GLB1L3: variants seen among roughly 807,000 people sequenced by gnomAD.
The protein encoded by GLB1L3 is galactosidase beta 1 like 3.
Under a neutral mutation model 89.5 loss-of-function variants are expected in GLB1L3, and 89 were observed. That is an observed-to-expected ratio of 0.99 (90% confidence interval 0.84 to 1.19). GLB1L3 has a LOEUF of 1.19. GLB1L3 is among the 50% of genes most tolerant of loss of function. The pLI is 0.00. For missense variants in GLB1L3, 812 were observed against 813.3 expected (o/e 1.00, Z 0.02); for synonymous variants, 314 against 312.3 (o/e 1.01, Z -0.06).
At position 134,282,072 on chromosome 11, in the gene GLB1L3, G is replaced by A. The variant is rs750384439; in HGVS notation, c.479G>A (p.Arg160His). 3.3e-5 allele frequency: 52 copies of A among 1,558,074 alleles called. 1 individual carries two copies. The Middle Eastern group carries it at 7.3e-4, about 22-fold the overall frequency. The change falls in exon 5 of 20, where the codon CGT becomes CAT. Residue 160 changes from arginine to histidine, a missense_variant. This residue lies in a region of GLB1L3 where 3 missense variants were observed against 17.8 expected (regional missense o/e 0.17). Transcript: ENST00000431683. Reference protein sequence around the residue: ...AAEIGLWVILRPGRYICSEMD... With the variant: ...AAEIGLWVILHPGRYICSEMD... ...GAGATCGGGCTGTGGGTGATTCTGC[G>A]TCCAGGCCGCTACATCTGCAGTGAG...
chr11:134,322,509 C>T (rs1413095300), downstream of GLB1L3, among the ~76,000 whole-genome samples: 1 of 152,126 alleles, frequency 6.6e-6, no homozygotes, highest in Admixed American at 6.5e-5. Flanking sequence ...AGCATCATCA[C>T]CATCTGATCT....
intron 9 of GLB1L3, among the ~76,000 whole-genome samples, chr11:134,294,062 T>C (rs1941502487): frequency 1.3e-5 from 2 of 151,948 alleles, no homozygotes; most frequent in South Asian, 2.1e-4. Context: ...CTTCTTTTTT[T>C]CATCAATTTC....
At chr11:134,322,841 CTT>C (rs1195907982), downstream of GLB1L3, among the ~76,000 whole-genome samples, 1 of 152,090 alleles carries the variant, frequency 6.6e-6, no homozygotes, top group East Asian at 1.9e-4. Context: ...GTTGTTTCCA[CTT>C]TTTGGATATT....
chr11:134,284,385 T>C (rs1940868367), intron 6 of GLB1L3, among the ~76,000 whole-genome samples: 1 of 152,198 alleles, frequency 6.6e-6, no homozygotes. Context: ...AGCCACTCTT[T>C]TTAGTGCCTG....
intron 10 of GLB1L3, among the ~76,000 whole-genome samples, chr11:134,308,235 C>CCAT (rs768245652): frequency 0.15 from 4,061 of 27,514 alleles, 512 homozygotes; most frequent in Middle Eastern, 0.21. Flanking sequence ...ACCACCACCA[C>CCAT]CATCACCATC....
At chr11:134,292,874 G>A (rs1229961681) in intron 8 of GLB1L3, 2 of 540,356 alleles carry the variant, frequency 3.7e-6, no homozygotes, top group African/African-American at 3.9e-5. Flanking sequence ...CCCGTTTCCA[G>A]TCTAATCATG....
downstream of GLB1L3, among the ~76,000 whole-genome samples, chr11:134,322,477 G>T (rs1443594551): frequency 6.6e-6 from 1 of 152,042 alleles, no homozygotes; most frequent in Non-Finnish European, 1.5e-5. Flanking sequence ...TTTTTAGTAG[G>T]ATATATTCAC....
At position 134,276,480 on chromosome 11, in the gene GLB1L3, G is replaced by A. The variant is rs569000240; in HGVS notation, c.-261G>A. 66 of 363,950 alleles carry A rather than the reference G, an allele frequency of 1.8e-4. No homozygotes were observed. The highest frequency in any genetic ancestry group is 2.7e-4 in the Non-Finnish European group (55 of 204,338). The allele number at this position is 363,950 out of a possible 1,614,324, so 22.5% of individuals were successfully genotyped here. On this transcript the variant is annotated 5_prime_UTR_variant, in exon 1 of 20. Transcript: ENST00000431683. ...CCCCTCCGAGGGCAGAGAGGCGTCCGCGCCCGGACGCACTGCGGGAACACC... is the reference window on the plus strand; with the variant it reads ...CCCCTCCGAGGGCAGAGAGGCGTCCACGCCCGGACGCACTGCGGGAACACC...
At chr11:134,290,475 A>G (rs1941288147) in intron 7 of GLB1L3, among the ~76,000 whole-genome samples, 1 of 151,296 alleles carries the variant, frequency 6.6e-6, no homozygotes, top group Admixed American at 6.6e-5. Context: ...CAGGAGGCTG[A>G]GGCAGGAAAA....
intron 12 of GLB1L3, 70 bp from the exon 13 acceptor site, chr11:134,310,994 G>A: frequency 2.8e-6 from 3 of 1,053,974 alleles, no homozygotes; most frequent in Non-Finnish European, 4.4e-6. Context: ...TGCTGGATAG[G>A]CATGGGGGGC....
intron 9 of GLB1L3, among the ~76,000 whole-genome samples, chr11:134,294,536 G>A (rs537888756): frequency 2.3e-4 from 35 of 152,048 alleles, no homozygotes; most frequent in Middle Eastern, 3.4e-3. Flanking sequence ...AATCTCATTT[G>A]TACACCATTA....
At chr11:134,313,293 T>C (rs1565420109) in intron 15 of GLB1L3, 103 bp from the exon 16 acceptor site, 3 of 810,022 alleles carry the variant, frequency 3.7e-6, no homozygotes, top group Non-Finnish European at 6.2e-6. Flanking sequence ...GAGCCTCCTG[T>C]TCTCCCATGT....
chr11:134,300,629 C>T (rs1000866416), intron 9 of GLB1L3, among the ~76,000 whole-genome samples: 2 of 152,100 alleles, frequency 1.3e-5, no homozygotes, highest in Non-Finnish European at 2.9e-5. Flanking sequence ...CCACCGCGCC[C>T]GGCCCCTATT....
chr11:134,283,354 G>A (rs1286164597), intron 5 of GLB1L3, among the ~76,000 whole-genome samples: 2 of 152,080 alleles, frequency 1.3e-5, no homozygotes, highest in African/African-American at 4.8e-5. Flanking sequence ...ATGAATCACC[G>A]CGCCTGACCA....
intron 10 of GLB1L3, among the ~76,000 whole-genome samples, chr11:134,307,753 G>A (rs1051738687): frequency 6.6e-6 from 1 of 152,218 alleles, no homozygotes; most frequent in Non-Finnish European, 1.5e-5. Context: ...CCATGCGCTA[G>A]CTTCATGCAG....
intron 10 of GLB1L3, among the ~76,000 whole-genome samples, chr11:134,308,157 ACACCACCACCAG>A (rs1942291811): frequency 1.3e-5 from 1 of 79,990 alleles, no homozygotes; most frequent in Admixed American, 1.4e-4. Flanking sequence ...ATCATCACCA[ACACCACCACCAG>A]CACCACCACC....
Position 134,312,844 on chromosome 11 carries a change from T to A in GLB1L3, c.1457T>A (p.Ile486Asn), listed in dbSNP as rs369005800. The A allele has an allele frequency of 1.2e-6, 2 of 1,612,250 alleles. No homozygotes were observed. The highest frequency in any genetic ancestry group is 2.7e-5 in the African/African-American group (2 of 74,862). Residue 486 changes from isoleucine to asparagine, a missense_variant, in exon 15 of 20, where the codon ATT (isoleucine) becomes AAT (asparagine). Ile to Asn is a moderately radical substitution (Grantham distance 149). This residue lies in a region of GLB1L3 where 618 missense variants were observed against 604.0 expected (regional missense o/e 1.02). Transcript: ENST00000431683. ...TTTTTGGATGAGACAATGATAGGGA[T>A]TCTGAATGAGAATAATAAGGACCTG... ...QVFLDETMIG[I>N]LNENNKDLHI... is the part of the protein sequence containing the mutation.
intron 9 of GLB1L3, among the ~76,000 whole-genome samples, chr11:134,302,833 A>G (rs569988677): frequency 3.9e-5 from 6 of 152,222 alleles, no homozygotes; most frequent in Admixed American, 3.3e-4. Context: ...TTTAAGTTCT[A>G]TGTCAATTTT....
upstream of GLB1L3, chr11:134,275,959 G>C (rs1230816399): frequency 2.0e-5 from 3 of 152,688 alleles, no homozygotes; most frequent in Non-Finnish European, 4.4e-5. Flanking sequence ...AGCAATCTCC[G>C]TAAAACGAAC....
Sources: allele counts gnomAD v4.1 joint callset (sites outside exome capture counted in the v4.1 genomes callset), GRCh38; gene constraint gnomAD v4.1.1; regional missense constraint gnomAD v4.1.1; transcripts MANE v1.5; gene names NCBI Gene and HGNC (gene_info 2026-07-23, HGNC 2026-07-21).